COL4A4: variants seen among roughly 807,000 people sequenced by gnomAD.
COL4A4 encodes collagen alpha-4(IV) chain.
COL4A4 carries 105 observed loss-of-function variants against 192.9 expected under a neutral mutation model. That is an observed-to-expected ratio of 0.54 (90% CI 0.46 to 0.64). The LOEUF (loss-of-function observed/expected upper bound fraction) is 0.64, where lower values mean the gene tolerates loss of function less well. Ranked by LOEUF, COL4A4 falls within the 30% of genes least tolerant of loss-of-function variation. COL4A4 has a pLI of 0.00. For synonymous variants in COL4A4, 762 were observed against 769.9 expected (o/e 0.99, Z 0.17); for missense variants, 1,967 against 2,169.3 (o/e 0.91, Z 1.85).
chr2:227,107,265 A>G (rs147609170), intron 12 of COL4A4, among the ~76,000 whole-genome samples: 82 of 152,230 alleles, frequency 5.4e-4, no homozygotes, highest in African/African-American at 1.9e-3. Context: ...TCACAATTGG[A>G]GGGACGGGAT....
intron 43 of COL4A4, 102 bp from the exon 44 acceptor site, chr2:227,022,275 T>C (rs1966159085): frequency 2.3e-6 from 3 of 1,329,812 alleles, no homozygotes; most frequent in Non-Finnish European, 3.3e-6. Context: ...TATACTGAAA[T>C]TTAGTACAAA....
chr2:227,105,436 C>G (rs1050403290), intron 12 of COL4A4, among the ~76,000 whole-genome samples: 15 of 152,104 alleles, frequency 9.9e-5, no homozygotes, highest in Admixed American at 5.2e-4. Context: ...ACGTAACAAT[C>G]CTGATTTTTA....
chr2:227,083,217 A>T (rs1255067683), intron 22 of COL4A4, among the ~76,000 whole-genome samples: 1 of 152,168 alleles, frequency 6.6e-6, no homozygotes, highest in Non-Finnish European at 1.5e-5. Context: ...TGACAGAGCA[A>T]GACTCTGTGT....
intron 13 of COL4A4, among the ~76,000 whole-genome samples, chr2:227,103,610 T>G (rs557187078): frequency 1.3e-5 from 2 of 152,356 alleles, no homozygotes; most frequent in Admixed American, 6.5e-5. Context: ...GTTCTATGCA[T>G]TTGTTACCTT....
At chr2:227,075,340 C>T (rs1438723335) in intron 25 of COL4A4, among the ~76,000 whole-genome samples, 8 of 152,114 alleles carry the variant, frequency 5.3e-5, no homozygotes, top group Admixed American at 5.2e-4. Flanking sequence ...TCAACATATG[C>T]AAATCAATAA....
intron 12 of COL4A4, 197 bp from the exon 13 acceptor site, chr2:227,104,249 A>C (rs2060687165): frequency 6.7e-6 from 4 of 598,566 alleles, no homozygotes; most frequent in Non-Finnish European, 1.2e-5. Flanking sequence ...GTTAAAAATA[A>C]ATTTAAAAAA....
intron 24 of COL4A4, among the ~76,000 whole-genome samples, chr2:227,078,494 C>A (rs2059153754): frequency 6.6e-6 from 1 of 152,126 alleles, no homozygotes; most frequent in Non-Finnish European, 1.5e-5. Flanking sequence ...CTCAGCCTCC[C>A]AAAGTGCAGG....
Position 227,010,241 on chromosome 2 carries a change from C to T in COL4A4, c.4522+72G>A, listed in dbSNP as rs4423583. 639,437 of 1,461,804 alleles carry T rather than the reference C, an allele frequency of 0.44. 143,509 individuals carry two copies. Among genetic ancestry groups the T allele is most frequent in the African/African-American group, 0.6 (43,270 of 71,830 alleles). The allele number at this position is 1,461,804 out of a possible 1,614,324, so 90.6% of individuals were successfully genotyped here. On this transcript the variant is annotated intron_variant, in intron 46 of 47. Transcript: ENST00000396625. The stretch of plus-strand genomic sequence containing the variant: ...ATAAGGTTAGTGATCATTTAAGGTG[C>T]TGATGAATCAGTAAAATTAACCCCA...
At chr2:227,114,892 G>T (rs934820340) in intron 7 of COL4A4, among the ~76,000 whole-genome samples, 196 bp from the exon 8 acceptor site, 6 of 152,014 alleles carry the variant, frequency 3.9e-5, no homozygotes, top group African/African-American at 1.5e-4. Flanking sequence ...ATTCAGTTAA[G>T]ATCTGTTAAG....
Position 227,054,599 on chromosome 2 carries a change from G to C in COL4A4, c.2855C>G (p.Ala952Gly), listed in dbSNP as rs766386122. ...GLPGDRGLRG[A>G]KGAIGPPGDE... Reference sequence around the variant, plus strand: ...CATGGCTGTATTTTATTTACCTTTGGCCCCTCTCAGTCCCCGGTCTCCAGG... The same window carrying C: ...CATGGCTGTATTTTATTTACCTTTGCCCCCTCTCAGTCCCCGGTCTCCAGG... The change falls in exon 31 of 48, where the codon GCC becomes GGC. Residue 952 changes from alanine (A) to glycine (G), a missense_variant. Ala to Gly is a moderately conservative substitution (Grantham distance 60, BLOSUM62 0). Transcript: ENST00000396625. 1.9e-6 allele frequency: 3 copies of C among 1,613,968 alleles called. No homozygotes were observed. In the Admixed American group the frequency reaches 5.0e-5, roughly 27 times the overall value.
chr2:227,134,912 A>C (rs2062712426), intron 4 of COL4A4, among the ~76,000 whole-genome samples: 1 of 152,216 alleles, frequency 6.6e-6, no homozygotes, highest in South Asian at 2.1e-4. Context: ...TGGGGAAAAA[A>C]CTGTGGACAG....
chr2:227,163,886 G>T (rs916093847), intron 1 of COL4A4, 121 bp downstream of exon 1: 1 of 152,508 alleles, frequency 6.6e-6, no homozygotes, highest in Non-Finnish European at 1.5e-5. Context: ...GGTGACCCCC[G>T]GGCCACAACT....
intron 17 of COL4A4, among the ~76,000 whole-genome samples, chr2:227,100,591 A>C (rs2150759642): frequency 6.6e-6 from 1 of 152,306 alleles, no homozygotes; most frequent in Non-Finnish European, 1.5e-5. Flanking sequence ...CAAATACTAC[A>C]TCATTTTACA....
At chr2:227,072,691 A>T (rs2058790901) in intron 25 of COL4A4, among the ~76,000 whole-genome samples, 1 of 152,116 alleles carries the variant, frequency 6.6e-6, no homozygotes, top group South Asian at 2.1e-4. Context: ...CATATCAAAA[A>T]GAGAATTCAT....
intron 22 of COL4A4, among the ~76,000 whole-genome samples, chr2:227,085,317 C>T (rs748704932): frequency 2.1e-4 from 32 of 152,052 alleles, no homozygotes; most frequent in Admixed American, 3.9e-4. Flanking sequence ...GCAGTGGGAA[C>T]GCAATAACCT....
chr2:226,983,076 A>G, the COL4A4 span, among the ~76,000 whole-genome samples: 3 of 152,208 alleles, frequency 2.0e-5, no homozygotes, highest in Non-Finnish European at 4.4e-5. Context: ...TGCTAGTGCA[A>G]ATGGTCAAAG....
At chr2:227,142,748 CCT>C (rs1238795355) in intron 3 of COL4A4, among the ~76,000 whole-genome samples, 1 of 149,334 alleles carries the variant, frequency 6.7e-6, no homozygotes, top group Non-Finnish European at 1.5e-5. Context: ...ACAGTGAGAC[CCT>C]GTCTCACAAA....
At chr2:227,019,946 C>T (rs1965671807) in intron 44 of COL4A4, among the ~76,000 whole-genome samples, 2 of 152,184 alleles carry the variant, frequency 1.3e-5, no homozygotes, top group South Asian at 2.1e-4. Context: ...GGATTACAGG[C>T]GTGAGCCACA....
intron 34 of COL4A4, among the ~76,000 whole-genome samples, chr2:227,048,029 A>C (rs1313996811): frequency 6.6e-6 from 1 of 152,120 alleles, no homozygotes; most frequent in Non-Finnish European, 1.5e-5. Context: ...ATGACAAGAG[A>C]TGGCACATTC....
Sources: gnomAD v4.1 joint callset for allele counts (sites outside exome capture counted in the v4.1 genomes callset) on GRCh38, gnomAD v4.1.1 for gene constraint, MANE v1.5 for transcripts, NCBI Gene and HGNC (gene_info 2026-07-23, HGNC 2026-07-21) for gene names.